Variants in TFAP2D observed in about 807,000 individuals in gnomAD.
The protein encoded by TFAP2D is transcription factor AP-2-delta.
In TFAP2D, 9 loss-of-function variants were observed where a neutral mutation model predicts 43.6. The ratio of observed to expected loss-of-function variants is 0.21; its 90% CI spans 0.12 to 0.36. The LOEUF (loss-of-function observed/expected upper bound fraction) is 0.36, where lower values mean the gene tolerates loss of function less well. Ranked by LOEUF, TFAP2D falls within the 10% of genes least tolerant of loss-of-function variation. The pLI is 1.00. For synonymous variants in TFAP2D, 256 were observed against 224.9 expected (o/e 1.14, Z -1.24); for missense variants, 513 against 561.4 (o/e 0.91, Z 0.87).
chr6:50,764,083 TC>T (rs1166829307), intron 7 of TFAP2D, among the ~76,000 whole-genome samples: 1 of 152,194 alleles, frequency 6.6e-6, no homozygotes, highest in Non-Finnish European at 1.5e-5. Flanking sequence ...AAATCTTTTT[TC>T]CTCCTGCTTT....
At chr6:50,721,983 A>T (rs1312370250) in intron 3 of TFAP2D, among the ~76,000 whole-genome samples, 2 of 152,210 alleles carry the variant, frequency 1.3e-5, no homozygotes, top group Non-Finnish European at 2.9e-5. Context: ...GGGCTTGGGC[A>T]TTCTCAGTTG....
intron 6 of TFAP2D, among the ~76,000 whole-genome samples, chr6:50,750,997 T>C (rs1358175644): frequency 1.3e-5 from 2 of 152,014 alleles, no homozygotes; most frequent in Non-Finnish European, 2.9e-5. Context: ...TGTTATTTGT[T>C]TGAAATGTTG....
intron 3 of TFAP2D, among the ~76,000 whole-genome samples, chr6:50,722,829 T>G (rs1581759635): frequency 6.7e-6 from 1 of 150,332 alleles, no homozygotes. Flanking sequence ...GGGCGGGGGA[T>G]GGGAGAGGAA....
At chr6:50,715,860 TG>T (rs1419994751) in intron 2 of TFAP2D, among the ~76,000 whole-genome samples, 1 of 151,954 alleles carries the variant, frequency 6.6e-6, no homozygotes, top group Non-Finnish European at 1.5e-5. Context: ...GCATTTCACC[TG>T]GAAGTGCGGG....
intron 5 of TFAP2D, among the ~76,000 whole-genome samples, chr6:50,731,461 C>G (rs1420511935): frequency 6.6e-6 from 1 of 152,006 alleles, no homozygotes; most frequent in East Asian, 1.9e-4. Context: ...CACACACACA[C>G]ACACACACAC....
chr6:50,720,221 C>A (rs1305275680), intron 3 of TFAP2D, among the ~76,000 whole-genome samples: 2 of 152,098 alleles, frequency 1.3e-5, no homozygotes, highest in Non-Finnish European at 2.9e-5. Flanking sequence ...GTCCTTCAGC[C>A]CTTCTCCATC....
intron 7 of TFAP2D, among the ~76,000 whole-genome samples, chr6:50,756,886 C>G (rs1160296600): frequency 6.6e-6 from 1 of 151,838 alleles, no homozygotes; most frequent in East Asian, 1.9e-4. Flanking sequence ...AACCCAGAGC[C>G]CTAACTTTTT....
At chr6:50,719,859 A>G (rs1333525940) in intron 3 of TFAP2D, among the ~76,000 whole-genome samples, 1 of 152,178 alleles carries the variant, frequency 6.6e-6, no homozygotes, top group Non-Finnish European at 1.5e-5. Flanking sequence ...GGGGAAGGCA[A>G]GAGGAGAGGA....
chr6:50,753,379 G>T (rs746824743), intron 7 of TFAP2D, among the ~76,000 whole-genome samples: 2 of 152,016 alleles, frequency 1.3e-5, no homozygotes, highest in Middle Eastern at 3.4e-3. Flanking sequence ...CAAAACATTT[G>T]TTTCCTTAGC....
rs3060372 is a variant in TFAP2D at position 50,742,954 on chromosome 6, AACACACAC to A, written c.884-2119_884-2112del. On this transcript the variant is annotated intron_variant, in intron 5 of 7. Transcript: ENST00000008391. The stretch of plus-strand genomic sequence containing the variant: ...CTGTATGGCATAACAACGACTTTAA[AACACACAC>A]ACACACACACACACACACACACACA... 2.0e-3 allele frequency among the ~76,000 whole-genome samples: 277 copies of A among 139,700 alleles called. 1 individual carries two copies. Among genetic ancestry groups the A allele is most frequent in the East Asian group, 2.7e-3 (12 of 4,466 alleles). 91.6% of individuals were successfully genotyped at this position (139,700 alleles called of 152,430 possible).
rs187263427 is a variant in TFAP2D, at chr6:50,744,695, T to A, written c.884-412T>A. On this transcript the variant is annotated intron_variant, in intron 5 of 7. Transcript: ENST00000008391. ...TTTAATAGGTCTCATGGAAAAAACA[T>A]CTGAATAGTTTAGACACACTAAGAA... 2.4e-3 allele frequency among the ~76,000 whole-genome samples: 364 copies of A among 152,218 alleles called. 2 individuals are homozygous for A. Among genetic ancestry groups the A allele is most frequent in the Admixed American group, 5.3e-3 (81 of 15,272 alleles).
chr6:50,731,341 A>G (rs777443110), intron 5 of TFAP2D, among the ~76,000 whole-genome samples: 11 of 152,008 alleles, frequency 7.2e-5, no homozygotes, highest in Non-Finnish European at 1.3e-4. Flanking sequence ...ATCTTTCACT[A>G]TTGAATTCCA....
rs1490296469 is a variant in TFAP2D, at chr6:50,715,124, C to T, written c.48C>T (p.His16=). Residue 16 remains histidine (H), a synonymous_variant, in exon 2 of 8, where the codon CAC becomes CAT. Coordinates refer to ENST00000008391, the MANE Select transcript of TFAP2D (RefSeq NM_172238.4). ...PGLVHDAEIR[H]DGSNSYRLMQ... ...CCCCCTCTTCCTTCCAGATACGTCA[C>T]GACGGATCAAACAGCTACCGTTTGA... 1.9e-6 allele frequency: 3 copies of T among 1,613,816 alleles called. No individual in the cohort carries two copies. The highest frequency in any genetic ancestry group is 4.5e-5 in the East Asian group (2 of 44,862).
chr6:50,742,991 ACAC>A (rs1468319953), intron 5 of TFAP2D, among the ~76,000 whole-genome samples: 39 of 150,156 alleles, frequency 2.6e-4, no homozygotes, highest in Admixed American at 1.6e-3. Flanking sequence ...ACACACACAC[ACAC>A]ATCTTTGTGC....
At chr6:50,762,833 G>A (rs1417927416) in intron 7 of TFAP2D, among the ~76,000 whole-genome samples, 2 of 151,990 alleles carry the variant, frequency 1.3e-5, no homozygotes, top group East Asian at 3.9e-4. Flanking sequence ...AAATCAATGA[G>A]CTGTAATCTA....
intron 3 of TFAP2D, among the ~76,000 whole-genome samples, chr6:50,719,453 GAA>G (rs1414194326): frequency 1.7e-5 from 2 of 118,122 alleles, no homozygotes; most frequent in Non-Finnish European, 3.7e-5. Context: ...CAGAGAGAAA[GAA>G]AGAAAGAAAG....
chr6:50,744,868 C>T (rs762153794), intron 5 of TFAP2D, among the ~76,000 whole-genome samples: 1 of 151,926 alleles, frequency 6.6e-6, no homozygotes, highest in Non-Finnish European at 1.5e-5. Flanking sequence ...CTGTTTTTTT[C>T]CCCTCAATTT....
In TFAP2D at chr6:50,733,886, T is replaced by C. The variant is rs532344377; in HGVS notation, c.883+4574T>C. Among the ~76,000 whole-genome samples the C allele has an allele frequency of 3.9e-5, 6 of 152,236 alleles. No homozygotes were observed. The East Asian group carries it at 1.2e-3, about 29-fold the overall frequency. On this transcript the variant is annotated intron_variant, in intron 5 of 7. Coordinates refer to ENST00000008391, the MANE Select transcript of TFAP2D (RefSeq NM_172238.4). Reference sequence around the variant, plus strand: ...CCTTCTCAGCCAACACTCAGGGTTCTGAAAGTATAGATTATTTAAGCTCGT... The same window carrying C: ...CCTTCTCAGCCAACACTCAGGGTTCCGAAAGTATAGATTATTTAAGCTCGT...
intron 5 of TFAP2D, among the ~76,000 whole-genome samples, chr6:50,731,127 G>A (rs1768886705): frequency 6.6e-6 from 1 of 152,050 alleles, no homozygotes; most frequent in Admixed American, 6.6e-5. Flanking sequence ...ATCCTAGGAT[G>A]ATCTCTGGAG....
Sources: gnomAD v4.1 joint callset for allele counts (sites outside exome capture counted in the v4.1 genomes callset) on GRCh38, gnomAD v4.1.1 for gene constraint, MANE v1.5 for transcripts, NCBI Gene and HGNC (gene_info 2026-07-23, HGNC 2026-07-21) for gene names.